The following ASPRV1 variants were observed in gnomAD, a reference collection of about 807,000 sequenced individuals.
The protein encoded by ASPRV1 is retroviral-like aspartic protease 1.
ASPRV1 carries 7 observed loss-of-function variants against 11.0 expected under a neutral mutation model. That is an observed-to-expected ratio of 0.64 (90% confidence interval 0.36 to 1.20). The LOEUF is 1.20. Among genes scored for constraint, ASPRV1 ranks in the 50% most tolerant of loss-of-function variants. ASPRV1 has a pLI of 0.02. For missense variants in ASPRV1, 299 were observed against 320.0 expected (o/e 0.93, Z 0.50); for synonymous variants, 136 against 138.4 (o/e 0.98, Z 0.12).
the ASPRV1 span, chr2:69,938,352 A>G: frequency 4.0e-6 from 6 of 1,514,036 alleles, no homozygotes; most frequent in East Asian, 2.3e-5. Flanking sequence ...AACGTATTGG[A>G]CCTGCCCACA....
chr2:70,073,118 T>C, the ASPRV1 span: 1 of 152,118 alleles, frequency 6.6e-6, no homozygotes, highest in East Asian at 1.9e-4. Context: ...TCAACAACGA[T>C]GTCCTAAGAA....
the ASPRV1 span, chr2:69,937,076 G>A: frequency 1.1e-6 from 1 of 930,880 alleles, no homozygotes; most frequent in Non-Finnish European, 1.8e-6. Context: ...GGAGTCACTG[G>A]CCAGTCGACT....
At chr2:70,025,895 C>T in the ASPRV1 span, among the ~76,000 whole-genome samples, 1 of 152,122 alleles carries the variant, frequency 6.6e-6, no homozygotes, top group Admixed American at 6.5e-5. Flanking sequence ...ATGGACCATA[C>T]CAGAAGTTTG....
chr2:70,042,520 T>G, the ASPRV1 span, among the ~76,000 whole-genome samples: 1 of 152,168 alleles, frequency 6.6e-6, no homozygotes, highest in African/African-American at 2.4e-5. Context: ...AGACAAAGTT[T>G]GTACTTCTAG....
downstream of ASPRV1, among the ~76,000 whole-genome samples, chr2:69,959,579 A>C (rs542032962): frequency 1.3e-4 from 20 of 151,878 alleles, no homozygotes; most frequent in African/African-American, 4.8e-4. Flanking sequence ...CTCCAAGAAG[A>C]AGCTGACCTC....
At chr2:70,067,815 G>C in the ASPRV1 span, among the ~76,000 whole-genome samples, 4 of 152,008 alleles carry the variant, frequency 2.6e-5, no homozygotes, top group African/African-American at 9.7e-5. Context: ...TGGGGAGACA[G>C]GAATAGCCAA....
chr2:69,999,299 A>AG, the ASPRV1 span, among the ~76,000 whole-genome samples: 10 of 151,774 alleles, frequency 6.6e-5, no homozygotes, highest in African/African-American at 2.2e-4. Flanking sequence ...AAAAAAAAAA[A>AG]CTCACTAAAA....
At chr2:70,062,298 T>TC in the ASPRV1 span, among the ~76,000 whole-genome samples, 1 of 151,660 alleles carries the variant, frequency 6.6e-6, no homozygotes, top group Non-Finnish European at 1.5e-5. Flanking sequence ...AGAGCGAAAC[T>TC]CCATCTCAAA....
At chr2:69,956,536 A>G (rs73936746), downstream of ASPRV1, among the ~76,000 whole-genome samples, 526 of 151,548 alleles carry the variant, frequency 3.5e-3, 4 homozygotes, top group African/African-American at 0.012. Context: ...GAGAAGGAGG[A>G]GGAGGAGAAG....
chr2:70,070,537 C>G, the ASPRV1 span: 2 of 152,234 alleles, frequency 1.3e-5, no homozygotes, highest in Non-Finnish European at 2.9e-5. Flanking sequence ...GTGGCTCACG[C>G]CTGTAATCCC....
At chr2:70,037,529 T>C in the ASPRV1 span, among the ~76,000 whole-genome samples, 1 of 152,236 alleles carries the variant, frequency 6.6e-6, no homozygotes, top group Non-Finnish European at 1.5e-5. Flanking sequence ...GTGTTGGGAT[T>C]ACAGGCATGA....
At chr2:70,080,860 G>C in the ASPRV1 span, 2 of 152,194 alleles carry the variant, frequency 1.3e-5, no homozygotes, top group African/African-American at 4.8e-5. Context: ...TGCTTCCTCT[G>C]CCTGGAATAC....
chr2:70,059,282 T>C, the ASPRV1 span, among the ~76,000 whole-genome samples: 3 of 149,274 alleles, frequency 2.0e-5, no homozygotes, highest in East Asian at 5.8e-4. Context: ...TTATGGTAAA[T>C]TGAATTTTTT....
chr2:70,038,224 G>C, the ASPRV1 span, among the ~76,000 whole-genome samples: 1 of 152,214 alleles, frequency 6.6e-6, no homozygotes. Flanking sequence ...ACATCAGAGG[G>C]TCTACATATT....
the ASPRV1 span, among the ~76,000 whole-genome samples, chr2:70,019,405 T>C: frequency 6.6e-6 from 1 of 152,182 alleles, no homozygotes; most frequent in African/African-American, 2.4e-5. Context: ...GCAATACCAC[T>C]ACTGGGCATA....
the ASPRV1 span, among the ~76,000 whole-genome samples, chr2:69,986,975 G>A: frequency 2.0e-5 from 3 of 152,210 alleles, no homozygotes; most frequent in Admixed American, 1.3e-4. Flanking sequence ...CTGGCAGAGA[G>A]GGGGCTTAGA....
the ASPRV1 span, chr2:70,049,295 A>G: frequency 3.3e-5 from 5 of 150,252 alleles, no homozygotes; most frequent in African/African-American, 1.2e-4. Flanking sequence ...AGAAGTTTAT[A>G]CATGTAAGGT....
At chr2:69,936,922 A>G in the ASPRV1 span, 1 of 509,950 alleles carries the variant, frequency 2.0e-6, no homozygotes. Context: ...AAGGGAGATC[A>G]GGTTGGGGAC....
At chr2:70,062,467 C>T in the ASPRV1 span, among the ~76,000 whole-genome samples, 2 of 152,282 alleles carry the variant, frequency 1.3e-5, no homozygotes, top group South Asian at 2.1e-4. Context: ...AAGTATCCAG[C>T]GCCCCCTCTC....
Sources: allele counts gnomAD v4.1 joint callset (sites outside exome capture counted in the v4.1 genomes callset), GRCh38; gene constraint gnomAD v4.1.1; transcripts MANE v1.5; gene names NCBI Gene and HGNC (gene_info 2026-07-23, HGNC 2026-07-21).